Variants in ANK2 observed in about 807,000 individuals in gnomAD.
ANK2 encodes the protein ankyrin-2.
ANK2 carries 83 observed loss-of-function variants against 360.5 expected under a neutral mutation model. That is an observed-to-expected ratio of 0.23 (90% CI 0.19 to 0.28). The LOEUF (loss-of-function observed/expected upper bound fraction) is 0.28, where lower values mean the gene tolerates loss of function less well. Among genes scored for constraint, ANK2 ranks in the 10% least tolerant of loss-of-function variants. The pLI, the probability that ANK2 is intolerant of heterozygous loss-of-function variation, is 1.00. For missense variants in ANK2, 4,201 were observed against 4,795.7 expected (o/e 0.88, Z 3.66); for synonymous variants, 1,740 against 1,759.5 (o/e 0.99, Z 0.28).
chr4:113,297,854 G>A (rs1464347509), intron 22 of ANK2, among the ~76,000 whole-genome samples: 1 of 151,712 alleles, frequency 6.6e-6, no homozygotes, highest in Non-Finnish European at 1.5e-5. Flanking sequence ...GTACTATCAC[G>A]GTTCACTGCA....
chr4:113,114,194 C>T (rs907792420), intron 1 of ANK2, among the ~76,000 whole-genome samples: 3 of 151,932 alleles, frequency 2.0e-5, no homozygotes, highest in African/African-American at 7.3e-5. Flanking sequence ...GTTCCTTTTC[C>T]GAGGTGAGTT....
chr4:112,865,520 C>G (rs2070180593), intron 1 of ANK2, among the ~76,000 whole-genome samples: 1 of 152,174 alleles, frequency 6.6e-6, no homozygotes, highest in Admixed American at 6.5e-5. Context: ...TCTCACTCTA[C>G]TTACTGCCAG....
intron 3 of ANK2, among the ~76,000 whole-genome samples, chr4:113,198,345 T>C (rs1338988336): frequency 6.6e-6 from 1 of 152,096 alleles, no homozygotes; most frequent in African/African-American, 2.4e-5. Context: ...TTCTGGTTTT[T>C]TTTTCTTTTT....
chr4:113,249,658 G>A (rs1406028830), intron 9 of ANK2, 106 bp from the exon 10 acceptor site: 3 of 993,280 alleles, frequency 3.0e-6, no homozygotes, highest in African/African-American at 3.2e-5. Flanking sequence ...CTTATTTATT[G>A]AGTAATCAGG....
chr4:113,253,801 A>G (rs2047791962), intron 10 of ANK2, among the ~76,000 whole-genome samples: 1 of 152,112 alleles, frequency 6.6e-6, no homozygotes, highest in South Asian at 2.1e-4. Flanking sequence ...CATTCTGTCC[A>G]TATGGTCTAT....
chr4:112,771,728 G>A, the ANK2 span, among the ~76,000 whole-genome samples: 3 of 152,136 alleles, frequency 2.0e-5, no homozygotes, highest in Non-Finnish European at 2.9e-5. Flanking sequence ...TGGGACTACA[G>A]GTGCCCGCCA....
intron 1 of ANK2, among the ~76,000 whole-genome samples, chr4:112,871,531 TA>T (rs1256565819): frequency 1.3e-5 from 2 of 152,188 alleles, no homozygotes; most frequent in Non-Finnish European, 2.9e-5. Flanking sequence ...GTTTTCTCTG[TA>T]AAAAATTGTG....
intron 1 of ANK2, among the ~76,000 whole-genome samples, chr4:113,167,808 G>A (rs911780201): frequency 6.6e-6 from 1 of 152,014 alleles, no homozygotes. Flanking sequence ...CTAACACTAT[G>A]GATTTGTTTT....
intron 4 of ANK2, among the ~76,000 whole-genome samples, chr4:113,210,284 G>A (rs970213313): frequency 6.6e-6 from 1 of 152,174 alleles, no homozygotes; most frequent in African/African-American, 2.4e-5. Flanking sequence ...TTACCAGCAA[G>A]AGATAGAAGA....
chr4:113,282,331 T>C (rs1167800607), intron 17 of ANK2, among the ~76,000 whole-genome samples: 2 of 152,194 alleles, frequency 1.3e-5, no homozygotes, highest in Non-Finnish European at 2.9e-5. Context: ...TAAAGGTGGA[T>C]ATGAAAATCA....
chr4:113,171,148 A>G (rs2097928088), intron 1 of ANK2, among the ~76,000 whole-genome samples: 1 of 152,158 alleles, frequency 6.6e-6, no homozygotes, highest in African/African-American at 2.4e-5. Flanking sequence ...CCTCCTACTT[A>G]TACTTGATTT....
intron 2 of ANK2, among the ~76,000 whole-genome samples, chr4:112,960,974 C>T (rs1391698869): frequency 6.6e-6 from 1 of 151,960 alleles, no homozygotes; most frequent in Non-Finnish European, 1.5e-5. Context: ...TTACAGTACT[C>T]AATTTCCATG....
chr4:113,211,880 A>G (rs1365918479), intron 4 of ANK2, among the ~76,000 whole-genome samples: 4 of 151,112 alleles, frequency 2.6e-5, no homozygotes, highest in African/African-American at 9.8e-5. Context: ...TTCAAGTACA[A>G]TGGCCTTTCT....
chr4:113,195,317 C>T (rs1022138787), intron 2 of ANK2, among the ~76,000 whole-genome samples: 1 of 151,896 alleles, frequency 6.6e-6, no homozygotes, highest in African/African-American at 2.4e-5. Flanking sequence ...GTTTCTATAA[C>T]CTTCATATTT....
chr4:113,017,571 T>C (rs956966845), intron 2 of ANK2, among the ~76,000 whole-genome samples: 3 of 152,240 alleles, frequency 2.0e-5, no homozygotes, highest in African/African-American at 7.2e-5. Flanking sequence ...TTGTGAAGTA[T>C]GCTGCAACTA....
intron 4 of ANK2, 138 bp from the exon 5 acceptor site, chr4:113,232,023 C>T (rs1026706715): frequency 5.9e-6 from 4 of 675,150 alleles, no homozygotes; most frequent in Admixed American, 2.2e-5. Flanking sequence ...TTTTGTCTAG[C>T]TTTATAATGA....
At chr4:113,345,520 G>T (rs2094743782) in intron 34 of ANK2, among the ~76,000 whole-genome samples, 1 of 152,108 alleles carries the variant, frequency 6.6e-6, no homozygotes, top group South Asian at 2.1e-4. Flanking sequence ...ATAGTTAATT[G>T]TATGTAATGT....
chr4:113,042,901 C>A (rs898420596), intron 2 of ANK2, among the ~76,000 whole-genome samples: 22 of 152,162 alleles, frequency 1.4e-4, no homozygotes, highest in African/African-American at 5.1e-4. Context: ...TTTGGTGCCC[C>A]TGTTTTATGC....
In ANK2 at chr4:113,339,331, A is replaced by G. The variant is rs886059012; in HGVS notation, c.3893+9A>G. The G allele has an allele frequency of 1.2e-6, 2 of 1,609,540 alleles. No homozygotes were observed. Among genetic ancestry groups the G allele is most frequent in the Non-Finnish European group, 8.5e-7 (1 of 1,176,008 alleles). ...ACAAACGTGTCTGCCAGGTATCGTT[A>G]TATAGCACAGAAAAGCCCACTATGA... On this transcript the variant is annotated intron_variant, in intron 32 of 45. Transcript: ENST00000357077.
Sources: gnomAD v4.1 joint callset for allele counts (sites outside exome capture counted in the v4.1 genomes callset) on GRCh38, gnomAD v4.1.1 for gene constraint, MANE v1.5 for transcripts, NCBI Gene and HGNC (gene_info 2026-07-23, HGNC 2026-07-21) for gene names.